The following DTNA variants were observed in gnomAD, a reference collection of about 807,000 sequenced individuals.
DTNA encodes the protein dystrophin-related protein 3.
Under a neutral mutation model 100.7 loss-of-function variants are expected in DTNA, and 43 were observed. The observed-to-expected ratio is 0.43, with a 90% CI of 0.33 to 0.55. The LOEUF (loss-of-function observed/expected upper bound fraction) is 0.55. Ranked by LOEUF, DTNA falls within the 20% of genes least tolerant of loss-of-function variation. The pLI is 0.04. For missense variants in DTNA, 798 were observed against 953.9 expected, an observed-to-expected ratio of 0.84 and a Z score of 2.15; for synonymous variants, 349 against 347.9, an observed-to-expected ratio of 1.00 and a Z score of -0.04.
At position 34,890,753 on chromosome 18, in the gene DTNA, A is replaced by G. The variant is rs2096960826; in HGVS notation, c.*3019A>G. ...TGAAAAATGGGTTCTTGAATGATCT[A>G]CTATAAGGCAGGGAAGGTTCATTTG... is the stretch of plus-strand genomic sequence containing the variant. On this transcript the variant is annotated 3_prime_UTR_variant, in exon 23 of 23. Transcript: ENST00000444659. 1 of 378,888 alleles carries G rather than the reference A, an allele frequency of 2.6e-6. No homozygotes were observed. Among genetic ancestry groups the G allele is most frequent in the Non-Finnish European group, 4.8e-6 (1 of 206,238 alleles). The allele number at this position is 378,888 out of a possible 1,614,324, so 23.5% of individuals were successfully genotyped here. A position where few individuals can be genotyped will look rare whatever the true frequency, so the allele number is the denominator to read the frequency against.
At position 34,824,302 on chromosome 18, in the gene DTNA, C is replaced by T. The variant is rs144199851; in HGVS notation, c.1002-3291C>T. 2.4e-3 allele frequency among the ~76,000 whole-genome samples: 371 copies of T among 152,076 alleles called. 1 individual carries two copies. Among genetic ancestry groups the T allele is most frequent in the African/African-American group, 8.1e-3 (335 of 41,500 alleles). Reference sequence around the variant, plus strand: ...CATCCTGGTTAACACGATGAAACCCCGTCTGTACTAAAAATACAAAAAAAA... The same window carrying T: ...CATCCTGGTTAACACGATGAAACCCTGTCTGTACTAAAAATACAAAAAAAA... On this transcript the variant is annotated intron_variant, in intron 9 of 22. Transcript: ENST00000444659.
At chr18:34,796,518 T>TAA (rs1357530540) in intron 4 of DTNA, among the ~76,000 whole-genome samples, 2 of 152,170 alleles carry the variant, frequency 1.3e-5, no homozygotes, top group African/African-American at 2.4e-5. Context: ...CTGATACTAC[T>TAA]AAAAGAAAGA....
chr18:34,550,427 A>G (rs572585794), intron 1 of DTNA, among the ~76,000 whole-genome samples: 3 of 152,138 alleles, frequency 2.0e-5, no homozygotes, highest in Non-Finnish European at 2.9e-5. Flanking sequence ...AAGTAGAAAC[A>G]GTTACTGGAT....
At chr18:34,594,740 G>A (rs183021547) in intron 1 of DTNA, among the ~76,000 whole-genome samples, 197 of 152,230 alleles carry the variant, frequency 1.3e-3, no homozygotes, top group African/African-American at 4.6e-3. Flanking sequence ...AATCTAGTGA[G>A]GCCAAGCAAA....
intron 12 of DTNA, 64 bp downstream of exon 12, chr18:34,838,235 T>G (rs891021047): frequency 1.2e-5 from 18 of 1,559,582 alleles, no homozygotes; most frequent in Non-Finnish European, 1.5e-5. Context: ...AGATTTCTTT[T>G]GTCAAAAATG....
At chr18:34,684,556 AT>A (rs764400175) in intron 1 of DTNA, among the ~76,000 whole-genome samples, 103 of 152,264 alleles carry the variant, frequency 6.8e-4, no homozygotes, top group Middle Eastern at 3.4e-3. Flanking sequence ...ATTTATGGGC[AT>A]TTGGGTTGGT....
chr18:34,503,278 C>CTTTTTTTTTTTTTTTTTTTTT (rs1568548383), intron 1 of DTNA, among the ~76,000 whole-genome samples: 1 of 112,570 alleles, frequency 8.9e-6, no homozygotes. Context: ...ATAATTGGCT[C>CTTTTTTTTTTTTTTTTTTTTT]ATTTTTTTTT....
Position 34,889,038 on chromosome 18 carries a change from T to C in DTNA, c.*1304T>C. ...GAGGATAAAAGACTGGGATAGTCTT[T>C]TCCAAGGACCCTCTTTAGAGGGCCC... On this transcript the variant is annotated 3_prime_UTR_variant, in exon 23 of 23. Transcript: ENST00000444659. 1 of 985,828 alleles carries C rather than the reference T, an allele frequency of 1.0e-6. No homozygotes were observed. The highest frequency in any genetic ancestry group is 1.2e-6 in the Non-Finnish European group (1 of 829,934). 61.1% of individuals were successfully genotyped at this position (985,828 alleles called of 1,614,324 possible).
At chr18:34,740,875 T>A (rs1252700492) in intron 1 of DTNA, among the ~76,000 whole-genome samples, 3 of 152,080 alleles carry the variant, frequency 2.0e-5, no homozygotes, top group Non-Finnish European at 4.4e-5. Flanking sequence ...TTTGTTCATG[T>A]GCCACAGTCT....
chr18:34,633,144 A>G (rs893683532), intron 1 of DTNA, among the ~76,000 whole-genome samples: 8 of 152,184 alleles, frequency 5.3e-5, no homozygotes, highest in Non-Finnish European at 1.2e-4. Flanking sequence ...TGATATCTGG[A>G]TTAAGACAAT....
At chr18:34,611,729 C>T (rs1295853467) in intron 1 of DTNA, among the ~76,000 whole-genome samples, 2 of 152,098 alleles carry the variant, frequency 1.3e-5, no homozygotes, top group Admixed American at 6.5e-5. Flanking sequence ...CTGGTTCTCC[C>T]CTTAGCTGTG....
At chr18:34,773,471 G>A (rs181909706) in intron 3 of DTNA, among the ~76,000 whole-genome samples, 1 of 152,322 alleles carries the variant, frequency 6.6e-6, no homozygotes, top group East Asian at 1.9e-4. Flanking sequence ...GGAAAAGCAG[G>A]AATATTCACA....
chr18:34,651,271 A>T (rs1295485481), intron 1 of DTNA, among the ~76,000 whole-genome samples: 1 of 152,240 alleles, frequency 6.6e-6, no homozygotes, highest in Non-Finnish European at 1.5e-5. Context: ...TCATTTACTT[A>T]TTAGCAATAC....
chr18:34,544,327 A>T (rs78052450), intron 1 of DTNA, among the ~76,000 whole-genome samples: 2,383 of 150,618 alleles, frequency 0.016, 53 homozygotes, highest in African/African-American at 0.051. Flanking sequence ...ATGTTTTTTT[A>T]AAAAAAATAA....
At chr18:34,820,764 C>T in intron 8 of DTNA, 27 bp from the exon 9 acceptor site, 1 of 1,613,972 alleles carries the variant, frequency 6.2e-7, no homozygotes, top group South Asian at 1.1e-5. Context: ...TAGCTGTTGT[C>T]ACTTCTGCCT....
intron 1 of DTNA, among the ~76,000 whole-genome samples, chr18:34,610,435 A>AACTTTATG (rs2053999699): frequency 6.6e-6 from 1 of 152,200 alleles, no homozygotes; most frequent in South Asian, 2.1e-4. Flanking sequence ...AAAGTCCAGA[A>AACTTTATG]ACTTTATGAC....
At chr18:34,496,691 A>G (rs1457897548) in intron 1 of DTNA, among the ~76,000 whole-genome samples, 6 of 152,202 alleles carry the variant, frequency 3.9e-5, no homozygotes. Flanking sequence ...TTATACCAAT[A>G]AATGATTACT....
Position 34,710,631 on chromosome 18 carries a change from A to G in DTNA, c.-2+186A>G, listed in dbSNP as rs530537829. ...GCTGTTTTTAATTTGAAAGTCTAAG[A>G]TGTTGTGAAATGTTATAGTTTTATG... On this transcript the variant is annotated intron_variant, in intron 1 of 22. Coordinates refer to ENST00000444659, the MANE Select transcript of DTNA (RefSeq NM_001386795.1). Among the ~76,000 whole-genome samples, 3 of 151,398 alleles carry G rather than the reference A, an allele frequency of 2.0e-5. No individual in the cohort carries two copies. The South Asian group carries it at 6.3e-4, about 32-fold the overall frequency.
chr18:34,847,789 G>T (rs537659732), intron 13 of DTNA, among the ~76,000 whole-genome samples: 1 of 152,262 alleles, frequency 6.6e-6, no homozygotes, highest in African/African-American at 2.4e-5. Context: ...CATTCCTTCT[G>T]CCATATGCTA....
Sources: gnomAD v4.1 joint callset for allele counts (sites outside exome capture counted in the v4.1 genomes callset) on GRCh38, gnomAD v4.1.1 for gene constraint, MANE v1.5 for transcripts, NCBI Gene and HGNC (gene_info 2026-07-23, HGNC 2026-07-21) for gene names.